PARG: variants seen among roughly 807,000 people sequenced by gnomAD.
PARG encodes poly(ADP-ribose) glycohydrolase.
A neutral mutation model predicts 113.0 loss-of-function variants in PARG; 35 were observed. That is an observed-to-expected ratio of 0.31 (90% CI 0.24 to 0.41). The LOEUF is 0.41. Among genes scored for constraint, PARG ranks in the 10% least tolerant of loss-of-function variants. The pLI, the probability that PARG is intolerant of heterozygous loss-of-function variation, is 1.00. For missense variants in PARG, 797 were observed against 1,169.4 expected, an observed-to-expected ratio of 0.68 and a Z score of 4.64; for synonymous variants, 330 against 409.9, an observed-to-expected ratio of 0.81 and a Z score of 2.36.
At chr10:49,850,425 T>A (rs1409205622) in intron 13 of PARG, among the ~76,000 whole-genome samples, 1 of 151,802 alleles carries the variant, frequency 6.6e-6, no homozygotes, top group African/African-American at 2.4e-5. Context: ...AAAAATTCAT[T>A]CAAACCCACA....
At chr10:49,836,236 CTTT>C (rs1270955591) in intron 15 of PARG, among the ~76,000 whole-genome samples, 1 of 142,286 alleles carries the variant, frequency 7.0e-6, no homozygotes, top group Admixed American at 7.2e-5. Flanking sequence ...TACTATACTT[CTTT>C]AACTTAATAC....
intron 16 of PARG, among the ~76,000 whole-genome samples, chr10:49,828,529 C>T (rs1844486019): frequency 6.6e-6 from 1 of 152,194 alleles, no homozygotes; most frequent in Non-Finnish European, 1.5e-5. Flanking sequence ...AGGCCACTGG[C>T]TGCTGCTGGA....
At chr10:49,923,309 T>C (rs1444020346) in intron 4 of PARG, among the ~76,000 whole-genome samples, 3 of 152,132 alleles carry the variant, frequency 2.0e-5, no homozygotes, top group Non-Finnish European at 2.9e-5. Flanking sequence ...CTATTTATCT[T>C]GTTTTGTTAG....
chr10:49,843,245 C>G (rs1845333775), intron 14 of PARG, among the ~76,000 whole-genome samples: 1 of 152,182 alleles, frequency 6.6e-6, no homozygotes, highest in Admixed American at 6.5e-5. Flanking sequence ...CTATTCTACT[C>G]AGATTTAAAC....
chr10:49,837,038 T>A (rs1844971867), intron 15 of PARG, among the ~76,000 whole-genome samples: 2 of 152,204 alleles, frequency 1.3e-5, no homozygotes, highest in South Asian at 4.1e-4. Context: ...ATAATTCTCC[T>A]TTAGAATGAT....
At chr10:49,935,332 T>C (rs1838694095) in intron 1 of PARG, among the ~76,000 whole-genome samples, 190 bp from the exon 2 acceptor site, 1 of 152,232 alleles carries the variant, frequency 6.6e-6, no homozygotes, top group Non-Finnish European at 1.5e-5. Flanking sequence ...AGAAAATGAC[T>C]GGTGCCTAAA....
intron 7 of PARG, among the ~76,000 whole-genome samples, chr10:49,886,684 C>G (rs1244817221): frequency 6.6e-6 from 1 of 152,050 alleles, no homozygotes; most frequent in Non-Finnish European, 1.5e-5. Context: ...AAAAAAACTA[C>G]TGATGTAATT....
intron 15 of PARG, among the ~76,000 whole-genome samples, chr10:49,839,074 C>T (rs1202849093): frequency 3.9e-5 from 6 of 152,030 alleles, no homozygotes; most frequent in African/African-American, 1.4e-4. Context: ...TGGTGGCTCA[C>T]GCCTGTAATC....
chr10:49,923,664 G>C (rs1838006924), intron 4 of PARG, among the ~76,000 whole-genome samples: 1 of 151,736 alleles, frequency 6.6e-6, no homozygotes, highest in East Asian at 1.9e-4. Flanking sequence ...CCAGGGAAAG[G>C]AGTCACCCAA....
chr10:49,828,830 G>A (rs571529017), intron 16 of PARG, among the ~76,000 whole-genome samples: 54 of 152,226 alleles, frequency 3.5e-4, no homozygotes, highest in African/African-American at 1.1e-3. Context: ...AGCTATGATC[G>A]CGCCATTGCA....
rs1175293558 is a variant in PARG, at chr10:49,920,495, TATACAC to T, written c.1662+1835_1662+1840del. ...ATATATATATATATATATATATATA[TATACAC>T]ACACACACACATATATATGTATATA... On this transcript the variant is annotated intron_variant, in intron 6 of 17. Coordinates refer to ENST00000616448, the MANE Select transcript of PARG (RefSeq NM_003631.5). Among the ~76,000 whole-genome samples the T allele has an allele frequency of 7.8e-3, 699 of 89,270 alleles. 7 individuals carry two copies. The highest frequency in any genetic ancestry group is 0.019 in the Middle Eastern group (3 of 162). 58.6% of individuals were successfully genotyped at this position (89,270 alleles called of 152,430 possible).
intron 16 of PARG, among the ~76,000 whole-genome samples, chr10:49,829,347 C>T (rs1844540574): frequency 6.6e-6 from 1 of 152,086 alleles, no homozygotes; most frequent in East Asian, 1.9e-4. Context: ...TTCCTCCCAC[C>T]TCAGCCTCCC....
intron 7 of PARG, among the ~76,000 whole-genome samples, chr10:49,897,895 G>A (rs1486761188): frequency 6.6e-6 from 1 of 152,154 alleles, no homozygotes; most frequent in Non-Finnish European, 1.5e-5. Context: ...GGGTGGCTAA[G>A]GCATGAGAAT....
chr10:49,837,568 T>G (rs187524501), intron 15 of PARG, among the ~76,000 whole-genome samples: 2 of 152,280 alleles, frequency 1.3e-5, no homozygotes, highest in East Asian at 3.9e-4. Flanking sequence ...CCAAAATTCT[T>G]AAGTCAATTT....
chr10:49,854,339 G>A (rs1257693468), intron 13 of PARG, among the ~76,000 whole-genome samples: 12 of 152,266 alleles, frequency 7.9e-5, no homozygotes, highest in East Asian at 1.9e-4. Context: ...TAGGAAAAGC[G>A]TAATTCTTTT....
chr10:49,939,126 T>C (rs1430969169), intron 1 of PARG, among the ~76,000 whole-genome samples: 1 of 152,168 alleles, frequency 6.6e-6, no homozygotes, highest in Non-Finnish European at 1.5e-5. Flanking sequence ...AAACCACAAA[T>C]TATCCAGTCA....
chr10:49,847,649 A>G lies in PARG; in HGVS notation c.2354-4017T>C, dbSNP rs546017254. ...TGAGCCTGGACTAATTGAAGACTGG[A>G]AAGAAAGCTACAAAGGTCATAATTG... On this transcript the variant is annotated intron_variant, in intron 13 of 17. Transcript: ENST00000616448. Among the ~76,000 whole-genome samples, 121 of 150,250 alleles carry G rather than the reference A, an allele frequency of 8.1e-4. 1 individual carries two copies. The highest frequency in any genetic ancestry group is 2.8e-3 in the African/African-American group (113 of 40,976).
At chr10:49,932,513 C>G (rs1468885849) in intron 3 of PARG, among the ~76,000 whole-genome samples, 1 of 152,122 alleles carries the variant, frequency 6.6e-6, no homozygotes, top group African/African-American at 2.4e-5. Flanking sequence ...ATGTAAATCA[C>G]CTTCTCAAAA....
At chr10:49,889,146 A>C (rs1847646070) in intron 7 of PARG, among the ~76,000 whole-genome samples, 1 of 147,444 alleles carries the variant, frequency 6.8e-6, no homozygotes, top group South Asian at 2.1e-4. Context: ...TGTGATGGCT[A>C]CTTTAAAATA....
Sources: gnomAD v4.1 joint callset for allele counts (sites outside exome capture counted in the v4.1 genomes callset) on GRCh38, gnomAD v4.1.1 for gene constraint, MANE v1.5 for transcripts, NCBI Gene and HGNC (gene_info 2026-07-23, HGNC 2026-07-21) for gene names.